The following VPS13A variants were observed in gnomAD, a reference collection of about 807,000 sequenced individuals.
VPS13A encodes vacuolar protein sorting 13 homolog A.
VPS13A carries 264 observed loss-of-function variants against 390.9 expected under a neutral mutation model. The observed-to-expected ratio is 0.68, with a 90% CI of 0.61 to 0.75. The LOEUF (loss-of-function observed/expected upper bound fraction) is 0.75. VPS13A is among the 30% of genes least tolerant of loss of function. VPS13A has a pLI of 0.00. For synonymous variants in VPS13A, 1,231 were observed against 1,227.1 expected, an observed-to-expected ratio of 1.00 and a Z score of -0.07; for missense variants, 3,409 against 3,733.9, an observed-to-expected ratio of 0.91 and a Z score of 2.27.
chr9:77,225,934 A>G lies in VPS13A; in HGVS notation c.1170A>G (p.Glu390=), dbSNP rs2131193735. 3.1e-6 allele frequency: 5 copies of G among 1,611,826 alleles called. No homozygotes were observed. Among genetic ancestry groups the G allele is most frequent in the African/African-American group, 1.3e-5 (1 of 74,972 alleles). Residue 390 remains glutamate, a synonymous_variant, in exon 14 of 72, where the codon GAA becomes GAG. Transcript: ENST00000360280. ...TTGTTTATATTTTTCAGGAGTTGGA[A>G]AAAACCTTGGATGTCTTTAATATAA... is the stretch of plus-strand genomic sequence containing the variant. The part of the protein sequence containing the change: ...GELLVSLEEL[E]KTLDVFNITI...
chr9:77,247,391 T>G lies in VPS13A; in HGVS notation c.2033T>G (p.Leu678Arg). 6.2e-7 allele frequency: 1 copy of G among 1,611,702 alleles called. No individual in the cohort carries two copies. Among genetic ancestry groups the G allele is most frequent in the Non-Finnish European group, 8.5e-7 (1 of 1,178,806 alleles). ...SNLLLLDLGH[L>R]KVTSKSRSEL... The stretch of plus-strand genomic sequence containing the variant: ...CTGCTTCTTTTGGACCTTGGTCATC[T>G]AAAGGTATATACTAATAATATTTGA... The change falls in exon 20 of 72, where the codon CTA (leucine) becomes CGA (arginine). Residue 678 changes from leucine to arginine, a missense_variant. This residue lies in a region of VPS13A where 2,717 missense variants were observed against 2,917.4 expected (regional missense o/e 0.93). Transcript: ENST00000360280.
chr9:77,184,480 G>A (rs1824209521), intron 1 of VPS13A, among the ~76,000 whole-genome samples: 1 of 152,104 alleles, frequency 6.6e-6, no homozygotes, highest in African/African-American at 2.4e-5. Flanking sequence ...TTAGCTGGGT[G>A]TGGTGGCGGG....
At chr9:77,399,193 A>T (rs1563990863) in intron 68 of VPS13A, among the ~76,000 whole-genome samples, 71 of 144,082 alleles carry the variant, frequency 4.9e-4, no homozygotes, top group East Asian at 8.5e-4. Context: ...AAAAAAAAAA[A>T]AAAAAAAAAA....
At chr9:77,347,037 G>A (rs1293193475) in intron 52 of VPS13A, among the ~76,000 whole-genome samples, 1 of 152,128 alleles carries the variant, frequency 6.6e-6, no homozygotes, top group Non-Finnish European at 1.5e-5. Flanking sequence ...TGTTCCATTG[G>A]TCTGCATGCC....
intron 1 of VPS13A, among the ~76,000 whole-genome samples, chr9:77,182,186 C>G (rs1367215602): frequency 6.6e-6 from 1 of 152,156 alleles, no homozygotes; most frequent in Non-Finnish European, 1.5e-5. Flanking sequence ...CTCTGTCTCA[C>G]GGCCTCAAGT....
intron 68 of VPS13A, among the ~76,000 whole-genome samples, chr9:77,396,607 C>G (rs1003361759): frequency 6.6e-6 from 1 of 152,018 alleles, no homozygotes; most frequent in Non-Finnish European, 1.5e-5. Context: ...TGCTTGAATA[C>G]CTTCTTTTTC....
At chr9:77,303,207 C>A (rs1587533613) in intron 34 of VPS13A, 145 bp downstream of exon 34, 3 of 863,584 alleles carry the variant, frequency 3.5e-6, no homozygotes, top group Admixed American at 5.1e-5. Flanking sequence ...AACTAGAATT[C>A]ATTTTAAAAT....
intron 23 of VPS13A, among the ~76,000 whole-genome samples, chr9:77,262,590 G>C (rs905565118): frequency 1.3e-5 from 2 of 150,738 alleles, no homozygotes; most frequent in Admixed American, 6.6e-5. Flanking sequence ...CCTAGCCCCC[G>C]ACCCCTCGAC....
intron 45 of VPS13A, among the ~76,000 whole-genome samples, chr9:77,330,515 C>G (rs1181158623): frequency 6.6e-6 from 1 of 152,156 alleles, no homozygotes; most frequent in African/African-American, 2.4e-5. Flanking sequence ...TAACTAACTT[C>G]ACATTCCAAA....
intron 33 of VPS13A, among the ~76,000 whole-genome samples, chr9:77,301,917 G>A (rs1027499931): frequency 2.0e-5 from 3 of 151,622 alleles, no homozygotes; most frequent in South Asian, 2.1e-4. Flanking sequence ...TTTTTATAAT[G>A]ATGTCTTATA....
chr9:77,261,427 T>G (rs1467861210), intron 23 of VPS13A, among the ~76,000 whole-genome samples: 1 of 151,982 alleles, frequency 6.6e-6, no homozygotes. Flanking sequence ...TTTACAGTTA[T>G]GAAAAATACT....
intron 59 of VPS13A, among the ~76,000 whole-genome samples, chr9:77,361,343 T>C (rs539956681): frequency 6.6e-6 from 1 of 152,140 alleles, no homozygotes; most frequent in South Asian, 2.1e-4. Flanking sequence ...CACTGTGTAG[T>C]CTTTTGTGAA....
At position 77,276,236 on chromosome 9, in the gene VPS13A, T is replaced by G. The variant is rs748970154; in HGVS notation, c.2824+15T>G. 3 of 1,566,138 alleles carry G rather than the reference T, an allele frequency of 1.9e-6. No homozygotes were observed. The South Asian group carries it at 3.7e-5, about 19-fold the overall frequency. Reference sequence around the variant, plus strand: ...AGAATACTTGGGTAAGAATCTCTATTTTTTAAAATAAATAAATTAATTTCA... The same window carrying G: ...AGAATACTTGGGTAAGAATCTCTATGTTTTAAAATAAATAAATTAATTTCA... On this transcript the variant is annotated intron_variant, in intron 26 of 71. Coordinates refer to ENST00000360280, the MANE Select transcript of VPS13A (RefSeq NM_033305.3).
At chr9:77,391,389 T>C (rs17340309) in intron 68 of VPS13A, among the ~76,000 whole-genome samples, 8,887 of 152,308 alleles carry the variant, frequency 0.058, 373 homozygotes, top group South Asian at 0.12. Context: ...GAATGAAAGT[T>C]ATCATGCAAA....
chr9:77,201,389 G>A lies in VPS13A; in HGVS notation c.169G>A (p.Val57Ile). 9 of 1,610,232 alleles carry A rather than the reference G, an allele frequency of 5.6e-6. No individual in the cohort carries two copies. The highest frequency in any genetic ancestry group is 7.6e-6 in the Non-Finnish European group (9 of 1,176,800). The change falls in exon 3 of 72, where the codon GTT becomes ATT. Residue 57 changes from valine (V) to isoleucine (I), a missense_variant. Val to Ile is a conservative substitution (Grantham distance 29). Coordinates refer to ENST00000360280, the MANE Select transcript of VPS13A (RefSeq NM_033305.3). ...GAGTCAACTGGATGTACCATTTAAA[G>A]TTAAAGTTGGTCACATAGGTAAGCC... ...ALSQLDVPFK[V>I]KVGHIGNLKL...
intron 71 of VPS13A, among the ~76,000 whole-genome samples, chr9:77,412,691 G>C (rs954956250): frequency 1.2e-4 from 18 of 152,132 alleles, no homozygotes; most frequent in Admixed American, 1.2e-3. Context: ...ACTGGCACAA[G>C]ACAGGGATGC....
intron 33 of VPS13A, among the ~76,000 whole-genome samples, chr9:77,296,441 A>G (rs1828006446): frequency 6.6e-6 from 1 of 152,010 alleles, no homozygotes; most frequent in Admixed American, 6.6e-5. Context: ...TTCTCTATTT[A>G]TACTTCTCAA....
At chr9:77,413,770 G>A (rs1054656311) in intron 71 of VPS13A, among the ~76,000 whole-genome samples, 1 of 152,168 alleles carries the variant, frequency 6.6e-6, no homozygotes, top group Non-Finnish European at 1.5e-5. Flanking sequence ...GAGAGCTTCT[G>A]CACAGCAAAA....
At chr9:77,278,660 G>T (rs561444505) in intron 26 of VPS13A, among the ~76,000 whole-genome samples, 1 of 152,260 alleles carries the variant, frequency 6.6e-6, no homozygotes, top group African/African-American at 2.4e-5. Flanking sequence ...CTAAGCATTA[G>T]GTTTGGAGAA....
Sources: allele counts gnomAD v4.1 joint callset (sites outside exome capture counted in the v4.1 genomes callset), GRCh38; gene constraint gnomAD v4.1.1; regional missense constraint gnomAD v4.1.1; transcripts MANE v1.5; gene names NCBI Gene and HGNC (gene_info 2026-07-23, HGNC 2026-07-21).